USB1: variants seen among roughly 807,000 people sequenced by gnomAD.
The protein encoded by USB1 is U6 snRNA phosphodiesterase 1.
Under a neutral mutation model 29.9 loss-of-function variants are expected in USB1, and 21 were observed. That is an observed-to-expected ratio of 0.70 (90% CI 0.50 to 1.01). The LOEUF (loss-of-function observed/expected upper bound fraction) is 1.01, where lower values mean the gene tolerates loss of function less well. Ranked by LOEUF, USB1 falls within the 50% of genes least tolerant of loss-of-function variation. USB1 has a pLI of 0.00. For synonymous variants in USB1, 143 were observed against 134.9 expected (o/e 1.06, Z -0.42); for missense variants, 330 against 347.1 (o/e 0.95, Z 0.39).
intron 1 of USB1, among the ~76,000 whole-genome samples, chr16:58,001,968 CCACTCCCTG>C (rs1490858161): frequency 6.6e-6 from 1 of 152,224 alleles, no homozygotes; most frequent in African/African-American, 2.4e-5. Flanking sequence ...CACTGAGCAC[CCACTCCCTG>C]CCAGGCTGGG....
At chr16:58,008,485 G>A (rs946704195) in intron 2 of USB1, among the ~76,000 whole-genome samples, 2 of 132,468 alleles carry the variant, frequency 1.5e-5, no homozygotes, top group African/African-American at 5.8e-5. Flanking sequence ...AGGGAGCCTC[G>A]ATCCGTCACC....
rs540042603 is a variant in USB1, at chr16:58,021,197, G to A, written c.*952G>A. The A allele has an allele frequency of 1.2e-3, 182 of 152,368 alleles. 1 individual carries two copies. Among genetic ancestry groups the A allele is most frequent in the African/African-American group, 4.2e-3 (173 of 41,578 alleles). 9.4% of individuals were successfully genotyped at this position (152,368 alleles called of 1,614,324 possible). A position where few individuals can be genotyped will look rare whatever the true frequency, so the allele number is the denominator to read the frequency against. On this transcript the variant is annotated 3_prime_UTR_variant, in exon 7 of 7. Coordinates refer to ENST00000219281, the MANE Select transcript of USB1 (RefSeq NM_024598.4). Reference sequence around the variant, plus strand: ...GGCCACTTCAAAGCCAAGGTACAGGGTGATAACTTGTGGTCCAGCATCAGT... The same window carrying A: ...GGCCACTTCAAAGCCAAGGTACAGGATGATAACTTGTGGTCCAGCATCAGT...
In USB1 at chr16:58,020,452, CCTCT is replaced by C. The variant is rs200950416; in HGVS notation, c.*210_*213del. On this transcript the variant is annotated 3_prime_UTR_variant, in exon 7 of 7. Coordinates refer to ENST00000219281, the MANE Select transcript of USB1 (RefSeq NM_024598.4). Reference sequence around the variant, plus strand: ...TCTTCCTCTTCTTTCTCTCTCTTCTCCTCTCTTTCTCTCCTCTGTCTCTCTTCCT... The same window carrying C: ...TCTTCCTCTTCTTTCTCTCTCTTCTCCTTTCTCTCCTCTGTCTCTCTTCCT... The C allele has an allele frequency of 0.011, 6,679 of 615,504 alleles. 58 individuals carry two copies. Among genetic ancestry groups the C allele is most frequent in the Admixed American group, 0.017 (664 of 39,254 alleles). The allele number at this position is 615,504 out of a possible 1,614,324, so 38.1% of individuals were successfully genotyped here. A position where few individuals can be genotyped will look rare whatever the true frequency, so the allele number is the denominator to read the frequency against.
chr16:58,017,592 G>C (rs1963647091), intron 5 of USB1, among the ~76,000 whole-genome samples, 153 bp downstream of exon 5: 1 of 152,220 alleles, frequency 6.6e-6, no homozygotes, highest in South Asian at 2.1e-4. Flanking sequence ...GCACACCTCG[G>C]GGGGTGAGGG....
chr16:58,011,389 GCTTTTTTTTTCCC>G lies in USB1; in HGVS notation c.449+1281_449+1293del, dbSNP rs1330090942. ...TTCTGGTTTTGTCTGCCAGCCTGGG[GCTTTTTTTTTCCC>G]CTTACCTATTAGATTATTTCATAAC... On this transcript the variant is annotated intron_variant, in intron 3 of 6. Coordinates refer to ENST00000219281, the MANE Select transcript of USB1 (RefSeq NM_024598.4). 6 of 1,204,782 alleles carry G rather than the reference GCTTTTTTTTTCCC, an allele frequency of 5.0e-6. No homozygotes were observed. The East Asian group carries it at 1.5e-4, about 30-fold the overall frequency. The allele number at this position is 1,204,782 out of a possible 1,614,324, so 74.6% of individuals were successfully genotyped here. A position where few individuals can be genotyped will look rare whatever the true frequency, so the allele number is the denominator to read the frequency against.
At chr16:58,002,426 G>C in intron 1 of USB1, 53 bp from the exon 2 acceptor site, 1 of 1,609,382 alleles carries the variant, frequency 6.2e-7, no homozygotes, top group Non-Finnish European at 8.5e-7. Flanking sequence ...ATATACAAAG[G>C]TAGAGAATGC....
Position 58,001,565 on chromosome 16 carries a change from G to T in USB1, c.82G>T (p.Asp28Tyr). The T allele has an allele frequency of 6.2e-7, 1 of 1,608,532 alleles. No homozygotes were observed. The change falls in exon 1 of 7, where the codon GAT becomes TAT. Residue 28 changes from aspartate to tyrosine, a missense_variant. Coordinates refer to ENST00000219281, the MANE Select transcript of USB1 (RefSeq NM_024598.4). The part of the protein sequence containing the change: ...SEDGMRTRPG[D>Y]GSHRRGQSPL... The stretch of plus-strand genomic sequence containing the variant: ...GGACGGGATGCGGACCAGGCCGGGG[G>T]ATGGGAGCCACCGTCGGTGAGGAGT...
intron 5 of USB1, among the ~76,000 whole-genome samples, chr16:58,017,771 T>A (rs936201074): frequency 6.6e-6 from 1 of 152,232 alleles, no homozygotes; most frequent in Non-Finnish European, 1.5e-5. Flanking sequence ...AGATTGACCC[T>A]CAGAGAGGAG....
At chr16:58,017,685 T>G (rs1024379713) in intron 5 of USB1, among the ~76,000 whole-genome samples, 4 of 152,204 alleles carry the variant, frequency 2.6e-5, no homozygotes, top group Non-Finnish European at 1.5e-5. Flanking sequence ...ACGCCCGAGA[T>G]TTGTACCTTC....
Position 58,006,710 on chromosome 16 carries a change from C to A in USB1, c.266-3219C>A, listed in dbSNP as rs1288179997. On this transcript the variant is annotated intron_variant, in intron 2 of 6. Coordinates refer to ENST00000219281, the MANE Select transcript of USB1 (RefSeq NM_024598.4). ...TATTTCTTCTTTGCTAATCTGTATA[C>A]CTTTTATTTCCTTTTCTTGCCTTAT... is the stretch of plus-strand genomic sequence containing the variant. 2.6e-5 allele frequency among the ~76,000 whole-genome samples: 4 copies of A among 152,062 alleles called. No homozygotes were observed. The East Asian group carries it at 7.7e-4, about 29-fold the overall frequency.
In USB1 at chr16:58,002,543, G is replaced by C; in HGVS notation, c.163G>C (p.Gly55Arg). 1 of 1,614,132 alleles carries C rather than the reference G, an allele frequency of 6.2e-7. No individual in the cohort carries two copies. The highest frequency in any genetic ancestry group is 8.5e-7 in the Non-Finnish European group (1 of 1,180,042). Residue 55 changes from glycine to arginine, a missense_variant, in exon 2 of 7, where the codon GGC (glycine) becomes CGC (arginine). Transcript: ENST00000219281. Reference sequence around the variant, plus strand: ...TGACAGTGTGCTGAACATGTTCCCGGGCACCGAGGAGGGGCCTGAAGATGA... The same window carrying C: ...TGACAGTGTGCTGAACATGTTCCCGCGCACCGAGGAGGGGCCTGAAGATGA... Reference protein sequence around the residue: ...VPDSVLNMFPGTEEGPEDDST... With the variant: ...VPDSVLNMFPRTEEGPEDDST...
rs2142315113 is a variant in USB1 at position 58,020,477 on chromosome 16, T to C, written c.*232T>C. ...CCTCTCTTTCTCTCCTCTGTCTCTC[T>C]TCCTCTCCTCTCTTCCTCTCTTCTC... On this transcript the variant is annotated 3_prime_UTR_variant, in exon 7 of 7. Coordinates refer to ENST00000219281, the MANE Select transcript of USB1 (RefSeq NM_024598.4). 1 of 575,724 alleles carries C rather than the reference T, an allele frequency of 1.7e-6. No individual in the cohort carries two copies. Among genetic ancestry groups the C allele is most frequent in the Middle Eastern group, 4.6e-4 (1 of 2,190 alleles). 35.7% of individuals were successfully genotyped at this position (575,724 alleles called of 1,614,324 possible).
At position 58,001,427 on chromosome 16, in the gene USB1, C is replaced by G; in HGVS notation, c.-57C>G. On this transcript the variant is annotated 5_prime_UTR_variant, in exon 1 of 7. Transcript: ENST00000219281. ...AGGGCGCTTCCGGCACAGCGGAACT[C>G]CGGGTGCCGGTTGAGGTTGCTGGTG... 10 of 1,552,330 alleles carry G rather than the reference C, an allele frequency of 6.4e-6. No individual in the cohort carries two copies. The highest frequency in any genetic ancestry group is 3.6e-5 in the South Asian group (3 of 84,422).
intron 3 of USB1, chr16:58,012,881 G>A: frequency 2.0e-6 from 2 of 986,906 alleles, no homozygotes; most frequent in Non-Finnish European, 2.4e-6. Context: ...CCCTTGCTGG[G>A]ACTTAGGAAA....
At position 58,017,008 on chromosome 16, in the gene USB1, G is replaced by A. The variant is rs7195503; in HGVS notation, c.504-326G>A. On this transcript the variant is annotated intron_variant, in intron 4 of 6. Transcript: ENST00000219281. ...CTCCTTGAGGACAGGAGTCATTTGC[G>A]ATTGGAATGATGATGGAGAATGGGG... is the stretch of plus-strand genomic sequence containing the variant. 292,001 of 370,258 alleles carry A rather than the reference G, an allele frequency of 0.79. 116,836 individuals carry two copies. Among genetic ancestry groups the A allele is most frequent in the African/African-American group, 0.93 (44,802 of 47,942 alleles). 22.9% of individuals were successfully genotyped at this position (370,258 alleles called of 1,614,324 possible). A position where few individuals can be genotyped will look rare whatever the true frequency, so the allele number is the denominator to read the frequency against.
At chr16:58,003,251 C>A (rs1462117111) in intron 2 of USB1, among the ~76,000 whole-genome samples, 1 of 152,114 alleles carries the variant, frequency 6.6e-6, no homozygotes, top group Non-Finnish European at 1.5e-5. Context: ...AGGTAGAAAC[C>A]CTGTTTCTAC....
Position 58,013,649 on chromosome 16 carries a change from A to G in USB1, c.450-624A>G, listed in dbSNP as rs1002499343. ...GTCTCGATTTCACACCAACAGACCT[A>G]TTCCCCTCACGAAAGCGTCATAGGT... On this transcript the variant is annotated intron_variant, in intron 3 of 6. Transcript: ENST00000219281. This position sits in a 1 kb window ranked among gnomAD's most constrained non-coding sequence, Gnocchi z 4.3. 9.1e-6 allele frequency: 9 copies of G among 987,526 alleles called. No homozygotes were observed. Among genetic ancestry groups the G allele is most frequent in the South Asian group, 4.6e-5 (1 of 21,534 alleles). The allele number at this position is 987,526 out of a possible 1,614,324, so 61.2% of individuals were successfully genotyped here.
rs375733200 is a variant in USB1, at chr16:58,002,939, C to A, written c.265+294C>A. ...AGCAGGGTGTCAAGGTCATGCCAGG[C>A]ACTTTATTTCTGAGAGGGCCCTGGG... is the stretch of plus-strand genomic sequence containing the variant. On this transcript the variant is annotated intron_variant, in intron 2 of 6. Coordinates refer to ENST00000219281, the MANE Select transcript of USB1 (RefSeq NM_024598.4). Among the ~76,000 whole-genome samples, 9 of 152,290 alleles carry A rather than the reference C, an allele frequency of 5.9e-5. No homozygotes were observed. In the South Asian group the frequency reaches 1.7e-3, roughly 28 times the overall value.
At chr16:58,019,680 G>C (rs962464470) in intron 6 of USB1, among the ~76,000 whole-genome samples, 1 of 152,176 alleles carries the variant, frequency 6.6e-6, no homozygotes, top group Non-Finnish European at 1.5e-5. Context: ...TGTTTCATAA[G>C]AGAAGCCAGA....
Sources: gnomAD v4.1 joint callset for allele counts (sites outside exome capture counted in the v4.1 genomes callset) on GRCh38, gnomAD v4.1.1 for gene constraint, Gnocchi (gnomAD v3.1) non-coding constraint, MANE v1.5 for transcripts, NCBI Gene and HGNC (gene_info 2026-07-23, HGNC 2026-07-21) for gene names.